CHD9: variants seen among roughly 807,000 people sequenced by gnomAD.
The protein encoded by CHD9 is chromodomain helicase DNA binding protein 9, also known as ATP-dependent chromatin remodeler CHD9.
CHD9 carries 77 observed loss-of-function variants against 316.1 expected under a neutral mutation model. The observed-to-expected ratio is 0.24, with a 90% CI of 0.20 to 0.29. The LOEUF is 0.29. Among genes scored for constraint, CHD9 ranks in the 10% least tolerant of loss-of-function variants. The pLI, the probability that CHD9 is intolerant of heterozygous loss-of-function variation, is 1.00. For missense variants in CHD9, 2,763 were observed against 3,438.1 expected (o/e 0.80, Z 4.91); for synonymous variants, 1,129 against 1,158.3 (o/e 0.97, Z 0.51).
chr16:53,293,713 G>A (rs780872387), intron 29 of CHD9, among the ~76,000 whole-genome samples: 12 of 152,176 alleles, frequency 7.9e-5, no homozygotes, highest in Non-Finnish European at 1.6e-4. Context: ...CACTTTGGGA[G>A]GCCGAGGTGG....
At chr16:53,212,018 G>A (rs1741181458) in intron 3 of CHD9, among the ~76,000 whole-genome samples, 1 of 151,928 alleles carries the variant, frequency 6.6e-6, no homozygotes, top group African/African-American at 2.4e-5. Flanking sequence ...TTAATTTTAG[G>A]ACAATTGGGC....
intron 29 of CHD9, among the ~76,000 whole-genome samples, chr16:53,295,503 A>T (rs1178514272): frequency 6.6e-6 from 1 of 152,202 alleles, no homozygotes; most frequent in African/African-American, 2.4e-5. Flanking sequence ...TATCTAAGTA[A>T]ACTACTCGTT....
At chr16:53,177,192 G>A (rs950178721) in intron 2 of CHD9, among the ~76,000 whole-genome samples, 1 of 152,154 alleles carries the variant, frequency 6.6e-6, no homozygotes, top group African/African-American at 2.4e-5. Flanking sequence ...CTGACCTCAA[G>A]TGATCTGCCT....
chr16:53,246,037 C>T (rs1191636977), intron 15 of CHD9, among the ~76,000 whole-genome samples, 187 bp downstream of exon 15: 1 of 152,114 alleles, frequency 6.6e-6, no homozygotes, highest in South Asian at 2.1e-4. Context: ...GTTAACACAC[C>T]AGGTTATGAC....
chr16:53,117,568 C>G (rs1353278022), intron 1 of CHD9, among the ~76,000 whole-genome samples: 1 of 152,002 alleles, frequency 6.6e-6, no homozygotes, highest in Non-Finnish European at 1.5e-5. Flanking sequence ...GCACCCACCA[C>G]CATACCCAGC....
In CHD9 at chr16:53,301,678, T is replaced by C. The variant is rs532485431; in HGVS notation, c.5714-2042T>C. Among the ~76,000 whole-genome samples the C allele has an allele frequency of 2.0e-5, 3 of 152,234 alleles. No homozygotes were observed. In the South Asian group the frequency reaches 6.2e-4, roughly 32 times the overall value. On this transcript the variant is annotated intron_variant, in intron 30 of 38. Coordinates refer to ENST00000447540, the MANE Select transcript of CHD9 (RefSeq NM_001308319.2). The stretch of plus-strand genomic sequence containing the variant: ...GATTTTTTTTCAAATTTTTTTGTTT[T>C]GAACTACTTTTAAAATTACAGAAGA...
At chr16:53,056,636 G>A (rs1259653503) in intron 1 of CHD9, among the ~76,000 whole-genome samples, 2 of 152,214 alleles carry the variant, frequency 1.3e-5, no homozygotes, top group African/African-American at 2.4e-5. Flanking sequence ...CAGCGTGCAC[G>A]GGGCAGGCGC....
chr16:53,116,296 G>C (rs1179460964), intron 1 of CHD9, among the ~76,000 whole-genome samples: 1 of 152,170 alleles, frequency 6.6e-6, no homozygotes, highest in African/African-American at 2.4e-5. Context: ...CTAACCTAAA[G>C]TGATCTCCCC....
chr16:53,319,535 A>G (rs957229945), intron 37 of CHD9, among the ~76,000 whole-genome samples: 1 of 152,206 alleles, frequency 6.6e-6, no homozygotes, highest in Admixed American at 6.5e-5. Context: ...GGAAAGAACA[A>G]GGTGACATTT....
chr16:53,319,431 C>G (rs1169657685), intron 37 of CHD9, among the ~76,000 whole-genome samples: 1 of 152,170 alleles, frequency 6.6e-6, no homozygotes, highest in Non-Finnish European at 1.5e-5. Context: ...GGTACACCAA[C>G]TCTTTAAAGT....
At chr16:53,063,680 C>T (rs548797862) in intron 1 of CHD9, among the ~76,000 whole-genome samples, 51 of 151,670 alleles carry the variant, frequency 3.4e-4, no homozygotes, top group African/African-American at 1.2e-3. Flanking sequence ...TACAGGCGCC[C>T]GCCACCACGC....
chr16:53,307,513 C>T (rs2056092604), intron 32 of CHD9, among the ~76,000 whole-genome samples, 168 bp from the exon 33 acceptor site: 1 of 152,082 alleles, frequency 6.6e-6, no homozygotes, highest in Admixed American at 6.6e-5. Context: ...AATCTGTACT[C>T]AAATAACTTG....
intron 29 of CHD9, among the ~76,000 whole-genome samples, chr16:53,294,146 C>T (rs2054588252): frequency 6.6e-6 from 1 of 152,166 alleles, no homozygotes; most frequent in Admixed American, 6.5e-5. Context: ...ATTAAAAAGA[C>T]AGGCAAACTT....
chr16:53,135,669 A>G (rs2039661045), intron 1 of CHD9, among the ~76,000 whole-genome samples: 1 of 152,214 alleles, frequency 6.6e-6, no homozygotes, highest in African/African-American at 2.4e-5. Flanking sequence ...TCCCTGGACA[A>G]GTGCTTCAGA....
At position 53,214,664 on chromosome 16, in the gene CHD9, G is replaced by A. The variant is rs1031872939; in HGVS notation, c.1784+4851G>A. 5.9e-5 allele frequency among the ~76,000 whole-genome samples: 9 copies of A among 152,082 alleles called. No individual in the cohort carries two copies. In the East Asian group the frequency reaches 7.7e-4, roughly 13 times the overall value. On this transcript the variant is annotated intron_variant, in intron 3 of 38. Transcript: ENST00000447540. ...AGTTGATATGTATGTAACTTATTGC[G>A]AATTTCAAATAAGATTTACAGTTTC... is the stretch of plus-strand genomic sequence containing the variant.
At chr16:53,278,298 C>G (rs2053064710) in intron 24 of CHD9, among the ~76,000 whole-genome samples, 1 of 152,130 alleles carries the variant, frequency 6.6e-6, no homozygotes, top group South Asian at 2.1e-4. Context: ...GCCTGCATAG[C>G]CAAAGCAAGA....
In CHD9 at chr16:53,306,236, G is replaced by A; in HGVS notation, c.6620-1G>A. 1 of 1,479,988 alleles carries A rather than the reference G, an allele frequency of 6.8e-7. No homozygotes were observed. The highest frequency in any genetic ancestry group is 9.0e-7 in the Non-Finnish European group (1 of 1,115,754). 91.7% of individuals were successfully genotyped at this position (1,479,988 alleles called of 1,614,324 possible). A position where few individuals can be genotyped will look rare whatever the true frequency, so the allele number is the denominator to read the frequency against. On this transcript the variant is annotated splice_acceptor_variant, in intron 31 of 38. Transcript: ENST00000447540. LOFTEE classifies it high-confidence loss of function. ...AAAATGATTATAATTGTTTTTAGCA[G>A]AAAGTACTACTCACATGAAAGCCTA...
chr16:53,109,691 T>TTTTC (rs200827999), intron 1 of CHD9, among the ~76,000 whole-genome samples: 28,316 of 125,362 alleles, frequency 0.23, 3,919 homozygotes, highest in South Asian at 0.33. Context: ...TTTTTTTTTT[T>TTTTC]TTTTTTTTTT....
rs79510063 is a variant in CHD9 at position 53,079,785 on chromosome 16, T to C, written c.-165+24708T>C. 9.4e-3 allele frequency among the ~76,000 whole-genome samples: 1,438 copies of C among 152,270 alleles called. 22 individuals carry two copies. Among genetic ancestry groups the C allele is most frequent in the African/African-American group, 0.033 (1,359 of 41,542 alleles). On this transcript the variant is annotated intron_variant, in intron 1 of 38. Coordinates refer to ENST00000447540, the MANE Select transcript of CHD9 (RefSeq NM_001308319.2). ...AGGAGCATCTGGGTTGGTGAACACTTGGAAGAACTAGGAAGGTGGTGCTCC... is the reference window on the plus strand; with the variant it reads ...AGGAGCATCTGGGTTGGTGAACACTCGGAAGAACTAGGAAGGTGGTGCTCC...
Sources: gnomAD v4.1 joint callset for allele counts (sites outside exome capture counted in the v4.1 genomes callset) on GRCh38, gnomAD v4.1.1 for gene constraint, MANE v1.5 for transcripts, NCBI Gene and HGNC (gene_info 2026-07-23, HGNC 2026-07-21) for gene names.